The following PCDH15 variants were observed in gnomAD, a reference collection of about 807,000 sequenced individuals.
PCDH15 encodes the protein protocadherin-15.
Under a neutral mutation model 178.5 loss-of-function variants are expected in PCDH15, and 129 were observed. The ratio of observed to expected loss-of-function variants is 0.72; its 90% CI spans 0.63 to 0.84. The LOEUF (loss-of-function observed/expected upper bound fraction) is 0.84, where lower values mean the gene tolerates loss of function less well. PCDH15 is among the 40% of genes least tolerant of loss of function. The probability of loss-of-function intolerance (pLI) is 0.00; values close to 1 mark genes in which losing one functional copy is unlikely to be tolerated. For missense variants in PCDH15, 2,230 were observed against 2,099.9 expected (o/e 1.06, Z -1.21); for synonymous variants, 800 against 732.0 (o/e 1.09, Z -1.50).
rs543194238 is a variant in PCDH15, at chr10:54,625,453, C to T, written c.91+38719G>A. Among the ~76,000 whole-genome samples, 107 of 152,198 alleles carry T rather than the reference C, an allele frequency of 7.0e-4. 2 individuals are homozygous for T. The South Asian group carries it at 0.012, about 18-fold the overall frequency. Reference sequence around the variant, plus strand: ...AATTCCCATGTGTTGTGGGAGGGACCCAGTGGGAGATGACTGAGTTATGAG... The same window carrying T: ...AATTCCCATGTGTTGTGGGAGGGACTCAGTGGGAGATGACTGAGTTATGAG... On this transcript the variant is annotated intron_variant, in intron 2 of 37. Transcript: ENST00000644397.
chr10:53,965,939 A>C (rs1439711754), intron 21 of PCDH15, among the ~76,000 whole-genome samples: 1 of 152,090 alleles, frequency 6.6e-6, no homozygotes, highest in Non-Finnish European at 1.5e-5. Context: ...GTATTATGGA[A>C]TGTTATCTCT....
intron 8 of PCDH15, among the ~76,000 whole-genome samples, chr10:54,273,561 A>G (rs939751220): frequency 6.6e-6 from 1 of 152,102 alleles, no homozygotes; most frequent in Non-Finnish European, 1.5e-5. Context: ...AACATTATCA[A>G]CTTAATTTTG....
At chr10:54,876,542 A>C (rs956229941) in intron 3 of PCDH15, among the ~76,000 whole-genome samples, 1 of 152,182 alleles carries the variant, frequency 6.6e-6, no homozygotes, top group African/African-American at 2.4e-5. Flanking sequence ...TTATGGGAAG[A>C]GGTCAAAATG....
At chr10:55,079,736 A>G (rs370222425) in intron 2 of PCDH15, among the ~76,000 whole-genome samples, 1 of 152,272 alleles carries the variant, frequency 6.6e-6, no homozygotes, top group African/African-American at 2.4e-5. Context: ...AGTGGCTTTA[A>G]TGGACTGGAG....
At chr10:55,274,584 G>A (rs1379762160) in intron 1 of PCDH15, among the ~76,000 whole-genome samples, 1 of 151,984 alleles carries the variant, frequency 6.6e-6, no homozygotes, top group Non-Finnish European at 1.5e-5. Context: ...TTCTGTCCAG[G>A]AACCTTAGTC....
At chr10:55,385,185 G>A (rs1003346268) in intron 2 of PCDH15, among the ~76,000 whole-genome samples, 6 of 152,008 alleles carry the variant, frequency 3.9e-5, no homozygotes, top group South Asian at 2.1e-4. Context: ...AAACAATGTC[G>A]TATATGTAAA....
rs34636994 is a variant in PCDH15, at chr10:54,712,054, A to T, written c.-28-47764T>A. ...AAATACTTACAGGTATTTCTCGTAT[A>T]TACGTAGTAGTGTAATTTGTTCCCT... is the stretch of plus-strand genomic sequence containing the variant. On this transcript the variant is annotated intron_variant, in intron 1 of 37. Coordinates refer to ENST00000644397, the MANE Select transcript of PCDH15 (RefSeq NM_001384140.1). Among the ~76,000 whole-genome samples the T allele has an allele frequency of 4.8e-3, 731 of 152,038 alleles. 2 individuals are homozygous for T. The highest frequency in any genetic ancestry group is 7.1e-3 in the Non-Finnish European group (483 of 67,856).
rs1033700180 is a variant in PCDH15, at chr10:54,708,796, G to A, written c.-28-44506C>T. On this transcript the variant is annotated intron_variant, in intron 1 of 37. Coordinates refer to ENST00000644397, the MANE Select transcript of PCDH15 (RefSeq NM_001384140.1). The stretch of plus-strand genomic sequence containing the variant: ...CAGAATAACGTGTGTGTGTGTGTGT[G>A]TGTGTGCGCGCGCGTGCGTGTGGTC... 4.7e-5 allele frequency among the ~76,000 whole-genome samples: 7 copies of A among 147,790 alleles called. No homozygotes were observed. In the Admixed American group the frequency reaches 4.8e-4, roughly 10 times the overall value.
intron 2 of PCDH15, among the ~76,000 whole-genome samples, chr10:55,617,104 A>T (rs1375729868): frequency 2.0e-5 from 3 of 152,072 alleles, no homozygotes; most frequent in African/African-American, 7.2e-5. Flanking sequence ...TGCTTTGCAA[A>T]CATAAACAAA....
rs543892804 is a variant in PCDH15, at chr10:54,914,124, G to A, written c.-79-16624C>T. 7.9e-5 allele frequency among the ~76,000 whole-genome samples: 12 copies of A among 152,204 alleles called. No homozygotes were observed. In the South Asian group the frequency reaches 2.3e-3, roughly 29 times the overall value. ...AGGGTGTGAGATTTTAGAGAGGCCAGGGACAGCATGATATGATTTGGCTCT... is the reference window on the plus strand; with the variant it reads ...AGGGTGTGAGATTTTAGAGAGGCCAAGGACAGCATGATATGATTTGGCTCT... On this transcript the variant is annotated intron_variant, in intron 2 of 5. Transcript: ENST00000458638.
intron 1 of PCDH15, among the ~76,000 whole-genome samples, chr10:54,730,912 A>G (rs1410564279): frequency 6.6e-6 from 1 of 151,384 alleles, no homozygotes; most frequent in East Asian, 1.9e-4. Flanking sequence ...TAGACATATG[A>G]AATTACATTA....
At chr10:54,338,302 C>T (rs748617343) in intron 6 of PCDH15, among the ~76,000 whole-genome samples, 41 of 150,578 alleles carry the variant, frequency 2.7e-4, no homozygotes, top group Non-Finnish European at 4.4e-4. Flanking sequence ...ATAATGTACC[C>T]TGAAAAGTAT....
intron 3 of PCDH15, chr10:54,486,335 C>CAT (rs1336966378): frequency 6.6e-6 from 1 of 151,950 alleles, no homozygotes; most frequent in Non-Finnish European, 1.5e-5. Flanking sequence ...TAGAACTAAG[C>CAT]ATATACATAT....
At chr10:55,342,057 C>T (rs1457626599) in intron 2 of PCDH15, among the ~76,000 whole-genome samples, 8 of 150,484 alleles carry the variant, frequency 5.3e-5, no homozygotes, top group Non-Finnish European at 8.9e-5. Flanking sequence ...ATTAATATTT[C>T]CAAGAAAATC....
chr10:54,612,020 T>C (rs2092977483), intron 2 of PCDH15, among the ~76,000 whole-genome samples: 1 of 151,884 alleles, frequency 6.6e-6, no homozygotes, highest in African/African-American at 2.4e-5. Context: ...ATCTCATTTG[T>C]TAAATTTCGT....
intron 20 of PCDH15, among the ~76,000 whole-genome samples, chr10:54,001,007 C>T (rs1259194963): frequency 2.0e-5 from 3 of 152,064 alleles, no homozygotes; most frequent in Non-Finnish European, 4.4e-5. Context: ...TTAGCAGAAA[C>T]CTTACAGGCC....
chr10:53,839,121 G>A (rs541866186), intron 29 of PCDH15, among the ~76,000 whole-genome samples: 4 of 148,354 alleles, frequency 2.7e-5, no homozygotes, highest in Admixed American at 6.9e-5. Context: ...GGAGAATGGC[G>A]TGAACCCGGG....
At chr10:55,290,183 G>A (rs1467432536) in intron 1 of PCDH15, among the ~76,000 whole-genome samples, 1 of 151,808 alleles carries the variant, frequency 6.6e-6, no homozygotes, top group Non-Finnish European at 1.5e-5. Context: ...AACCGTACAT[G>A]TTTGTGTGAA....
At chr10:54,881,834 A>AT (rs1239916086) in intron 3 of PCDH15, among the ~76,000 whole-genome samples, 1 of 152,160 alleles carries the variant, frequency 6.6e-6, no homozygotes, top group Non-Finnish European at 1.5e-5. Flanking sequence ...AAGTATTAAA[A>AT]ATATATTTTT....
Sources: gnomAD v4.1 joint callset for allele counts (sites outside exome capture counted in the v4.1 genomes callset) on GRCh38, gnomAD v4.1.1 for gene constraint, MANE v1.5 for transcripts, NCBI Gene and HGNC (gene_info 2026-07-23, HGNC 2026-07-21) for gene names.